SYN2: variants seen among roughly 807,000 people sequenced by gnomAD.
SYN2 encodes the protein synapsin-2.
A neutral mutation model predicts 50.9 loss-of-function variants in SYN2; 19 were observed. The ratio of observed to expected loss-of-function variants is 0.37; its 90% confidence interval spans 0.26 to 0.55. The LOEUF (loss-of-function observed/expected upper bound fraction) is 0.55. Ranked by LOEUF, SYN2 falls within the 20% of genes least tolerant of loss-of-function variation. The pLI is 0.81. For missense variants in SYN2, 587 were observed against 576.4 expected (o/e 1.02, Z -0.19); for synonymous variants, 255 against 224.9 (o/e 1.13, Z -1.20).
At chr3:12,157,335 C>A in intron 5 of SYN2, 1 of 1,574,572 alleles carries the variant, frequency 6.4e-7, no homozygotes, top group Non-Finnish European at 8.7e-7. Context: ...ACAGACTCCA[C>A]TTTCTCCATC....
At chr3:12,016,452 A>G (rs1694031531) in intron 1 of SYN2, among the ~76,000 whole-genome samples, 1 of 152,252 alleles carries the variant, frequency 6.6e-6, no homozygotes, top group Non-Finnish European at 1.5e-5. Context: ...TGTAATGGAA[A>G]GAGCATTGCA....
chr3:12,162,995 C>T (rs1055720158), intron 7 of SYN2, among the ~76,000 whole-genome samples: 1 of 152,106 alleles, frequency 6.6e-6, no homozygotes, highest in African/African-American at 2.4e-5. Context: ...AATCCCAGCA[C>T]TTTGGGAGGC....
chr3:12,164,070 A>T (rs551508797), intron 7 of SYN2, among the ~76,000 whole-genome samples: 1 of 152,220 alleles, frequency 6.6e-6, no homozygotes, highest in African/African-American at 2.4e-5. Flanking sequence ...GTCTCAAAAA[A>T]AGAAAAGAAA....
intron 1 of SYN2, among the ~76,000 whole-genome samples, chr3:12,056,072 G>A (rs1241371788): frequency 1.3e-5 from 2 of 152,116 alleles, no homozygotes; most frequent in Admixed American, 1.3e-4. Context: ...GGATCAAGAT[G>A]CTCCAGGCTC....
intron 1 of SYN2, among the ~76,000 whole-genome samples, chr3:12,113,813 A>G (rs1467315974): frequency 6.6e-6 from 1 of 152,198 alleles, no homozygotes; most frequent in African/African-American, 2.4e-5. Flanking sequence ...ATTTCATTAT[A>G]TTGATATACC....
At chr3:12,054,379 G>A (rs1694942328) in intron 1 of SYN2, among the ~76,000 whole-genome samples, 1 of 152,156 alleles carries the variant, frequency 6.6e-6, no homozygotes, top group South Asian at 2.1e-4. Flanking sequence ...GAATCTGGGA[G>A]TTGTAGGAGG....
chr3:12,072,242 A>G (rs1304874786), intron 1 of SYN2, among the ~76,000 whole-genome samples: 1 of 152,198 alleles, frequency 6.6e-6, no homozygotes, highest in African/African-American at 2.4e-5. Context: ...CCAAACCCTT[A>G]TCAGATATAT....
chr3:12,055,536 A>T (rs549935612), intron 1 of SYN2, among the ~76,000 whole-genome samples: 1 of 152,168 alleles, frequency 6.6e-6, no homozygotes, highest in South Asian at 2.1e-4. Flanking sequence ...GATTGTGTTG[A>T]TTCTGTGGTT....
At chr3:12,189,220 A>G (rs1351741714) in intron 12 of SYN2, among the ~76,000 whole-genome samples, 1 of 152,214 alleles carries the variant, frequency 6.6e-6, no homozygotes, top group Non-Finnish European at 1.5e-5. Context: ...GGAGTCAAGA[A>G]GGAGAAAAGC....
chr3:12,121,744 AGAAG>A (rs954982494), intron 1 of SYN2, among the ~76,000 whole-genome samples: 6 of 151,782 alleles, frequency 4.0e-5, no homozygotes, highest in African/African-American at 7.3e-5. Context: ...AATGAAGGAA[AGAAG>A]GAAGGAGAGA....
intron 1 of SYN2, among the ~76,000 whole-genome samples, chr3:12,115,265 T>C (rs1216204886): frequency 6.6e-6 from 1 of 152,166 alleles, no homozygotes; most frequent in African/African-American, 2.4e-5. Context: ...TACTGCTCTT[T>C]AGGACCTAAA....
At chr3:12,009,152 T>G (rs1393367830) in intron 1 of SYN2, among the ~76,000 whole-genome samples, 1 of 152,240 alleles carries the variant, frequency 6.6e-6, no homozygotes, top group Non-Finnish European at 1.5e-5. Flanking sequence ...AGAATTTGAT[T>G]GTTCATAGCA....
At chr3:12,025,937 G>C (rs1421484792) in intron 1 of SYN2, among the ~76,000 whole-genome samples, 2 of 152,184 alleles carry the variant, frequency 1.3e-5, no homozygotes, top group Non-Finnish European at 2.9e-5. Flanking sequence ...CAAGCCTCTT[G>C]TTTCTTTCAC....
intron 1 of SYN2, among the ~76,000 whole-genome samples, chr3:12,130,510 A>G (rs73813130): frequency 0.079 from 12,036 of 152,234 alleles, 578 homozygotes; most frequent in African/African-American, 0.13. Flanking sequence ...TCAGACCTTC[A>G]GTGGGTTAAA....
At chr3:12,175,871 C>G (rs766884051) in intron 10 of SYN2, among the ~76,000 whole-genome samples, 1 of 152,226 alleles carries the variant, frequency 6.6e-6, no homozygotes, top group African/African-American at 2.4e-5. Context: ...GGCCATGTCA[C>G]CAAGAGCAGG....
At chr3:12,096,867 GA>G (rs1205359191) in intron 1 of SYN2, among the ~76,000 whole-genome samples, 2 of 151,972 alleles carry the variant, frequency 1.3e-5, no homozygotes, top group Admixed American at 1.3e-4. Context: ...GGAACAGAAA[GA>G]AAAAAATGTA....
At chr3:12,005,542 T>C (rs1306360371) in intron 1 of SYN2, among the ~76,000 whole-genome samples, 1 of 150,912 alleles carries the variant, frequency 6.6e-6, no homozygotes, top group Non-Finnish European at 1.5e-5. Context: ...ATAAAATTGT[T>C]GTATTTTGTG....
At chr3:12,084,372 C>A (rs906818314) in intron 1 of SYN2, among the ~76,000 whole-genome samples, 10 of 152,084 alleles carry the variant, frequency 6.6e-5, no homozygotes, top group African/African-American at 2.4e-4. Flanking sequence ...TAAACAGATT[C>A]TTTCCTCCTG....
chr3:12,132,458 T>C (rs1458297691), intron 1 of SYN2, among the ~76,000 whole-genome samples: 1 of 152,246 alleles, frequency 6.6e-6, no homozygotes, highest in African/African-American at 2.4e-5. Context: ...AGAGGCATAT[T>C]GTGAGGATTA....
Sources: gnomAD v4.1 joint callset for allele counts (sites outside exome capture counted in the v4.1 genomes callset) on GRCh38, gnomAD v4.1.1 for gene constraint, MANE v1.5 for transcripts, NCBI Gene and HGNC (gene_info 2026-07-23, HGNC 2026-07-21) for gene names.